Variants in CHLSN observed in about 807,000 individuals in gnomAD.
CHLSN encodes the protein protein cholesin.
the CHLSN span, among the ~76,000 whole-genome samples, chr7:1,089,022 G>T: frequency 6.6e-6 from 1 of 152,092 alleles, no homozygotes; most frequent in African/African-American, 2.4e-5. Context: ...ACAAAATTAG[G>T]AAAGAAAATA....
the CHLSN span, among the ~76,000 whole-genome samples, chr7:1,070,964 G>A: frequency 4.1e-5 from 6 of 145,850 alleles, no homozygotes; most frequent in Non-Finnish European, 9.1e-5. Flanking sequence ...GCACAGACAC[G>A]CACACGGGCA....
At chr7:1,035,049 G>T in the CHLSN span, among the ~76,000 whole-genome samples, 4 of 152,242 alleles carry the variant, frequency 2.6e-5, no homozygotes, top group African/African-American at 4.8e-5. Flanking sequence ...TGCCATTGGT[G>T]GCATTTCAGC....
chr7:1,024,692 G>A, the CHLSN span: 3 of 152,296 alleles, frequency 2.0e-5, no homozygotes, highest in South Asian at 2.1e-4. Context: ...CCTCCTTGCC[G>A]AGCCAGACAG....
chr7:1,052,507 G>A, the CHLSN span, among the ~76,000 whole-genome samples: 1 of 152,202 alleles, frequency 6.6e-6, no homozygotes, highest in Admixed American at 6.5e-5. The surrounding 1 kb of genome is among the most constrained non-coding windows in gnomAD (Gnocchi z 4.2). Flanking sequence ...TGGAGGTGCT[G>A]GAGGAGCAGG....
At chr7:1,073,091 A>T in the CHLSN span, among the ~76,000 whole-genome samples, 1 of 152,162 alleles carries the variant, frequency 6.6e-6, no homozygotes, top group Non-Finnish European at 1.5e-5. Flanking sequence ...TGTCTCTAGA[A>T]GGATCTGAAA....
chr7:1,005,976 C>T, the CHLSN span, among the ~76,000 whole-genome samples: 25,360 of 152,316 alleles, frequency 0.17, 2,511 homozygotes, highest in Admixed American at 0.22. Context: ...AACGTGAACA[C>T]CCAGCAGGCG....
chr7:1,014,824 C>G, the CHLSN span, among the ~76,000 whole-genome samples: 3 of 132,176 alleles, frequency 2.3e-5, no homozygotes, highest in Admixed American at 1.5e-4. Flanking sequence ...GGCAGCGTTC[C>G]GGTTGGTGTC....
chr7:1,081,344 G>C, the CHLSN span, among the ~76,000 whole-genome samples: 1 of 152,250 alleles, frequency 6.6e-6, no homozygotes, highest in African/African-American at 2.4e-5. Context: ...CCCCAAGTCA[G>C]GGGGCCATGA....
the CHLSN span, among the ~76,000 whole-genome samples, chr7:1,003,486 G>T: frequency 1.6e-5 from 1 of 62,952 alleles, no homozygotes; most frequent in Non-Finnish European, 3.0e-5. Context: ...TGGGTGAGTG[G>T]AGTCCTGTGG....
the CHLSN span, among the ~76,000 whole-genome samples, chr7:1,117,995 C>A: frequency 6.6e-6 from 1 of 152,214 alleles, no homozygotes; most frequent in African/African-American, 2.4e-5. Flanking sequence ...GCCCATCGTT[C>A]CTGCTACGGG....
At chr7:1,069,177 CA>C in the CHLSN span, among the ~76,000 whole-genome samples, 1 of 152,088 alleles carries the variant, frequency 6.6e-6, no homozygotes, top group Non-Finnish European at 1.5e-5. Flanking sequence ...ACTAAAAATA[CA>C]AAATTAGCTG....
the CHLSN span, chr7:1,028,662 CT>C: frequency 4.4e-6 from 4 of 918,034 alleles, no homozygotes; most frequent in African/African-American, 1.8e-5. Flanking sequence ...CACCCAGCCC[CT>C]ATCGTCCCCC....
chr7:993,306 C>T, the CHLSN span, among the ~76,000 whole-genome samples: 1 of 152,190 alleles, frequency 6.6e-6, no homozygotes, highest in Non-Finnish European at 1.5e-5. Flanking sequence ...CTGACTGTGA[C>T]TGGAGCAAGA....
chr7:991,742 A>T, the CHLSN span, among the ~76,000 whole-genome samples: 1 of 152,204 alleles, frequency 6.6e-6, no homozygotes, highest in African/African-American at 2.4e-5. Flanking sequence ...ACCATCAGCC[A>T]TGTTGAAGTG....
At chr7:1,035,900 T>G in the CHLSN span, among the ~76,000 whole-genome samples, 8 of 152,180 alleles carry the variant, frequency 5.3e-5, no homozygotes, top group African/African-American at 1.9e-4. Context: ...TGCCCTTCAG[T>G]AGGGGACTGG....
At chr7:1,131,564 C>T in the CHLSN span, among the ~76,000 whole-genome samples, 1 of 152,184 alleles carries the variant, frequency 6.6e-6, no homozygotes, top group African/African-American at 2.4e-5. Flanking sequence ...CTTTAAAAAG[C>T]ATCAGAAGCC....
At chr7:1,126,205 C>T in the CHLSN span, among the ~76,000 whole-genome samples, 1 of 150,404 alleles carries the variant, frequency 6.6e-6, no homozygotes. Flanking sequence ...CTAAAAAATA[C>T]AAAAAATTAG....
the CHLSN span, among the ~76,000 whole-genome samples, chr7:1,046,690 C>T: frequency 3.9e-4 from 59 of 151,986 alleles, no homozygotes; most frequent in South Asian, 7.9e-3. Flanking sequence ...AAAATACCCC[C>T]TTGAGCAGCA....
At chr7:1,066,614 T>C in the CHLSN span, among the ~76,000 whole-genome samples, 4 of 152,318 alleles carry the variant, frequency 2.6e-5, no homozygotes, top group Admixed American at 1.3e-4. Context: ...CCTGCCCTCC[T>C]ACCTGTCTGT....
Sources: allele counts gnomAD v4.1 joint callset (sites outside exome capture counted in the v4.1 genomes callset), GRCh38; gene constraint gnomAD v4.1.1; non-coding constraint Gnocchi (gnomAD v3.1); transcripts MANE v1.5; gene names NCBI Gene and HGNC (gene_info 2026-07-23, HGNC 2026-07-21).